NEBL: variants seen among roughly 807,000 people sequenced by gnomAD.
NEBL encodes LIM and SH3 protein 2.
In NEBL, 122 loss-of-function variants were observed where a neutral mutation model predicts 140.2. The observed-to-expected ratio is 0.87, with a 90% CI of 0.75 to 1.01. NEBL has a LOEUF of 1.01. NEBL is among the 50% of genes least tolerant of loss of function. The pLI is 0.00. For missense variants in NEBL, 1,365 were observed against 1,231.3 expected, an observed-to-expected ratio of 1.11 and a Z score of -1.62; for synonymous variants, 436 against 398.9, an observed-to-expected ratio of 1.09 and a Z score of -1.11.
chr10:21,117,057 T>G (rs750811047), intron 2 of NEBL, among the ~76,000 whole-genome samples: 1 of 152,128 alleles, frequency 6.6e-6, no homozygotes, highest in Non-Finnish European at 1.5e-5. Flanking sequence ...TAAATATTGC[T>G]GAGCTTGAGC....
intron 9 of NEBL, 134 bp from the exon 10 acceptor site, chr10:20,852,783 G>A (rs1842679521): frequency 2.5e-6 from 2 of 788,362 alleles, no homozygotes; most frequent in South Asian, 1.5e-5. Context: ...TCTGCAGTTG[G>A]CTGGCAGGTA....
chr10:20,924,413 T>TAAAAAAA (rs71390800), intron 4 of NEBL, among the ~76,000 whole-genome samples: 726 of 59,056 alleles, frequency 0.012, 35 homozygotes, highest in Middle Eastern at 0.02. Context: ...AGGCATGAAG[T>TAAAAAAA]AAAAAAAAAA....
At chr10:21,070,002 T>C (rs1341913401) in intron 2 of NEBL, 3 of 456,228 alleles carry the variant, frequency 6.6e-6, no homozygotes, top group South Asian at 1.5e-5. Flanking sequence ...CCACTCATAA[T>C]AGAAATGAAG....
chr10:21,061,219 ATG>A (rs1835262431), intron 2 of NEBL, among the ~76,000 whole-genome samples: 2 of 117,452 alleles, frequency 1.7e-5, no homozygotes, highest in African/African-American at 6.7e-5. Flanking sequence ...ATATAGAGAG[ATG>A]TGGCATTATA....
intron 2 of NEBL, among the ~76,000 whole-genome samples, chr10:21,164,723 T>C (rs1438555340): frequency 6.6e-6 from 1 of 152,216 alleles, no homozygotes; most frequent in Non-Finnish European, 1.5e-5. Context: ...CATTAGATGT[T>C]GCCAACGGTC....
chr10:21,087,259 A>G (rs1039363093), intron 2 of NEBL, among the ~76,000 whole-genome samples: 3 of 152,232 alleles, frequency 2.0e-5, no homozygotes, highest in Non-Finnish European at 4.4e-5. Context: ...TAAATGAGTC[A>G]GTAATTTTTC....
intron 3 of NEBL, among the ~76,000 whole-genome samples, chr10:21,197,730 G>A (rs1841673503): frequency 1.3e-5 from 2 of 152,156 alleles, no homozygotes; most frequent in South Asian, 4.1e-4. Context: ...GGCAACTTGA[G>A]CATTACAGAA....
At chr10:20,877,741 C>T (rs550780605) in intron 5 of NEBL, among the ~76,000 whole-genome samples, 2 of 152,262 alleles carry the variant, frequency 1.3e-5, no homozygotes, top group South Asian at 2.1e-4. Flanking sequence ...AAACAGCTTC[C>T]TTGCAGTCTA....
At chr10:20,863,172 G>T (rs1247694780) in intron 7 of NEBL, among the ~76,000 whole-genome samples, 1 of 152,096 alleles carries the variant, frequency 6.6e-6, no homozygotes, top group African/African-American at 2.4e-5. Flanking sequence ...AAAGAAATGA[G>T]AAGTTACATC....
In NEBL at chr10:21,227,154, G is replaced by A. The variant is rs77445418; in HGVS notation, n.348+20767C>T. Among the ~76,000 whole-genome samples, 165 of 152,000 alleles carry A rather than the reference G, an allele frequency of 1.1e-3. 2 individuals are homozygous for A. Among genetic ancestry groups the A allele is most frequent in the African/African-American group, 3.8e-3 (157 of 41,452 alleles). ...TCCCCCCATTAATTGGAAATTTTCT[G>A]ATCTGTGAACTTAAAAACCCACTTA... On this transcript the variant is annotated intron_variant and non_coding_transcript_variant, in intron 3 of 8. Transcript: ENST00000675702.
intron 3 of NEBL, among the ~76,000 whole-genome samples, chr10:21,188,716 T>C (rs1232939607): frequency 6.7e-6 from 1 of 150,314 alleles, no homozygotes; most frequent in Non-Finnish European, 1.5e-5. Flanking sequence ...TTTTCCTGCC[T>C]CAGCCTCCCG....
chr10:20,931,128 A>G lies in NEBL; in HGVS notation c.357+30544T>C, dbSNP rs74693012. 6.9e-3 allele frequency among the ~76,000 whole-genome samples: 1,046 copies of G among 152,148 alleles called. 12 individuals carry two copies. The highest frequency in any genetic ancestry group is 0.024 in the African/African-American group (1,011 of 41,510). ...TCCTTTCCCATAAGAAAAAAAAAAT[A>G]AACTCTCTAGCATTTCAGCTCAAAA... is the stretch of plus-strand genomic sequence containing the variant. On this transcript the variant is annotated intron_variant, in intron 4 of 6. Coordinates refer to the NEBL transcript ENST00000417816.
Position 21,020,140 on chromosome 10 carries a change from G to A in NEBL, c.226C>T (p.Gln76Ter), listed in dbSNP as rs542259440. Residue 76 changes from glutamine to a stop codon, truncating the protein, a stop_gained, in exon 3 of 7, where the codon CAG becomes TAG. Transcript: ENST00000417816. LOFTEE classifies it high-confidence loss of function. ...ACCTGACTCTGCAATTCACTTTGCT[G>A]CTTCAGGCGAAGATTTTCAGGTGTA... 6.2e-7 allele frequency: 1 copy of A among 1,614,076 alleles called. No homozygotes were observed. Among genetic ancestry groups the A allele is most frequent in the Non-Finnish European group, 8.5e-7 (1 of 1,179,940 alleles).
chr10:21,169,544 G>A (rs892116983), intron 2 of NEBL, among the ~76,000 whole-genome samples: 5 of 152,078 alleles, frequency 3.3e-5, no homozygotes, highest in Admixed American at 2.0e-4. Context: ...ATGGCAACAC[G>A]TATCCTTTTC....
At chr10:20,855,279 A>G (rs1268352588) in intron 9 of NEBL, among the ~76,000 whole-genome samples, 1 of 152,000 alleles carries the variant, frequency 6.6e-6, no homozygotes. Context: ...CTGGAAAGAA[A>G]GATAATAATA....
chr10:21,219,069 A>C (rs888585159), intron 3 of NEBL, among the ~76,000 whole-genome samples: 11 of 152,216 alleles, frequency 7.2e-5, no homozygotes, highest in African/African-American at 2.2e-4. Flanking sequence ...CTCATGCCAC[A>C]GTGGCATATT....
At chr10:21,259,709 C>T (rs1223536020) in intron 1 of NEBL, among the ~76,000 whole-genome samples, 2 of 152,168 alleles carry the variant, frequency 1.3e-5, no homozygotes, top group Non-Finnish European at 1.5e-5. Context: ...GCCCCAACGG[C>T]CAAAAACAAT....
chr10:21,136,681 C>T (rs527905088), intron 2 of NEBL, among the ~76,000 whole-genome samples: 2 of 152,300 alleles, frequency 1.3e-5, no homozygotes, highest in East Asian at 3.9e-4. Flanking sequence ...TACGGCTGGA[C>T]AAAGCTCGCC....
chr10:21,015,685 A>C (rs1251353663), intron 3 of NEBL, among the ~76,000 whole-genome samples: 1 of 151,972 alleles, frequency 6.6e-6, no homozygotes, highest in African/African-American at 2.4e-5. Context: ...ATTTTTTATA[A>C]AATGTTTGTA....
Sources: gnomAD v4.1 joint callset for allele counts (sites outside exome capture counted in the v4.1 genomes callset) on GRCh38, gnomAD v4.1.1 for gene constraint, MANE v1.5 for transcripts, NCBI Gene and HGNC (gene_info 2026-07-23, HGNC 2026-07-21) for gene names.